The following IGF2R variants were observed in gnomAD, a reference collection of about 807,000 sequenced individuals.
IGF2R encodes the protein cation-independent mannose-6-phosphate receptor.
In IGF2R, 91 loss-of-function variants were observed where a neutral mutation model predicts 270.6. The ratio of observed to expected loss-of-function variants is 0.34; its 90% CI spans 0.28 to 0.40. The LOEUF (loss-of-function observed/expected upper bound fraction) is 0.40. IGF2R is among the 10% of genes least tolerant of loss of function. The pLI is 1.00. For missense variants in IGF2R, 2,805 were observed against 3,188.3 expected (o/e 0.88, Z 2.90); for synonymous variants, 1,316 against 1,258.9 (o/e 1.05, Z -0.96).
intron 2 of IGF2R, chr6:160,005,983 C>A (rs956279373): frequency 3.1e-5 from 5 of 160,948 alleles, no homozygotes; most frequent in Non-Finnish European, 5.4e-5. Context: ...CGCCTCGCCG[C>A]GCCCCTCGCC....
At chr6:160,013,125 T>A (rs1489729266) in intron 4 of IGF2R, among the ~76,000 whole-genome samples, 1 of 152,124 alleles carries the variant, frequency 6.6e-6, no homozygotes, top group Non-Finnish European at 1.5e-5. Context: ...TTGTTTTATC[T>A]GAGTGTACCT....
intron 39 of IGF2R, among the ~76,000 whole-genome samples, chr6:160,080,926 G>T (rs901772692): frequency 6.6e-6 from 1 of 151,116 alleles, no homozygotes; most frequent in African/African-American, 2.4e-5. Context: ...GACCATCCTG[G>T]CTAGCATGGT....
In IGF2R at chr6:160,010,754, G is replaced by T; in HGVS notation, c.482G>T (p.Cys161Phe). The change falls in exon 4 of 48, where the codon TGC (cysteine) becomes TTC (phenylalanine). Residue 161 changes from cysteine (C) to phenylalanine (F), a missense_variant. Physicochemically the swap from Cys to Phe is radical, Grantham distance 205. Around this residue, in one of 2 missense-constraint regions of IGF2R, gnomAD observed 954 missense variants for 981.1 expected, o/e 0.97. Transcript: ENST00000356956. ...HYFEWRTTAA[C>F]KKDIFKANKE... ...TTTGAGTGGAGGACCACTGCAGCCT[G>T]CAAGAAAGACATATTTAAAGCAAAT... 6.2e-7 allele frequency: 1 copy of T among 1,610,934 alleles called. No homozygotes were observed. Among genetic ancestry groups the T allele is most frequent in the Non-Finnish European group, 8.5e-7 (1 of 1,177,154 alleles).
intron 1 of IGF2R, among the ~76,000 whole-genome samples, chr6:159,978,297 T>A (rs927852758): frequency 3.9e-5 from 6 of 151,952 alleles, no homozygotes; most frequent in African/African-American, 1.4e-4. Context: ...GAGGAGTCCT[T>A]CCTCACTCAG....
At position 160,041,947 on chromosome 6, in the gene IGF2R, C is replaced by T. The variant is rs144874571; in HGVS notation, c.1481-1201C>T. 9.3e-3 allele frequency among the ~76,000 whole-genome samples: 1,413 copies of T among 151,814 alleles called. 10 individuals carry two copies. The highest frequency in any genetic ancestry group is 0.024 in the Middle Eastern group (7 of 294). ...GCTTGAGCGAGCTGCTCTCCAGGCCCGGGTTTCTTACGGTGAACTGGGTGG... is the reference window on the plus strand; with the variant it reads ...GCTTGAGCGAGCTGCTCTCCAGGCCTGGGTTTCTTACGGTGAACTGGGTGG... On this transcript the variant is annotated intron_variant, in intron 11 of 47. Transcript: ENST00000356956.
chr6:159,990,630 CT>C (rs372870014), intron 1 of IGF2R, among the ~76,000 whole-genome samples: 65 of 147,086 alleles, frequency 4.4e-4, no homozygotes, highest in East Asian at 7.9e-4. Context: ...TAAGATATTT[CT>C]TTTTTTTTTT....
intron 11 of IGF2R, 37 bp downstream of exon 11, chr6:160,040,761 T>G (rs8191774): frequency 1.9e-5 from 30 of 1,576,980 alleles, no homozygotes; most frequent in Non-Finnish European, 2.4e-5. Context: ...TTAGTCCACA[T>G]GCTCATGGAA....
intron 14 of IGF2R, 74 bp from the exon 15 acceptor site, chr6:160,046,424 A>G (rs968706747): frequency 2.2e-5 from 32 of 1,437,188 alleles, no homozygotes; most frequent in Middle Eastern, 2.5e-4. Flanking sequence ...CTCCCTTTCA[A>G]ACTGTGGGGT....
chr6:159,970,839 A>G (rs1375214991), intron 1 of IGF2R, among the ~76,000 whole-genome samples: 1 of 151,704 alleles, frequency 6.6e-6, no homozygotes, highest in African/African-American at 2.4e-5. Flanking sequence ...GCACTTTGGA[A>G]GGCCGAGGTG....
chr6:160,012,143 G>GA (rs938377605), intron 4 of IGF2R, among the ~76,000 whole-genome samples: 15 of 145,712 alleles, frequency 1.0e-4, no homozygotes, highest in South Asian at 4.3e-4. Flanking sequence ...AGCATTCAAT[G>GA]AAAAAAAAAA....
intron 29 of IGF2R, among the ~76,000 whole-genome samples, chr6:160,065,814 G>GTATATATATATATATATATA (rs59035193): frequency 3.3e-4 from 26 of 78,358 alleles, no homozygotes; most frequent in Admixed American, 6.6e-4. Flanking sequence ...GTGTGTGTGT[G>GTATATATATATATATATATA]TATATATATA....
chr6:160,066,279 T>A (rs1308268164), intron 29 of IGF2R, among the ~76,000 whole-genome samples: 3 of 151,980 alleles, frequency 2.0e-5, no homozygotes, highest in Non-Finnish European at 2.9e-5. Flanking sequence ...CCTCCCAAAG[T>A]GCTGGGATTA....
chr6:160,030,501 A>T (rs1777670979), intron 7 of IGF2R, among the ~76,000 whole-genome samples: 1 of 152,216 alleles, frequency 6.6e-6, no homozygotes, highest in South Asian at 2.1e-4. Context: ...AGACTTCCAC[A>T]TCAAGTGCTG....
At chr6:160,033,583 A>G (rs1038650321) in intron 9 of IGF2R, among the ~76,000 whole-genome samples, 4 of 152,272 alleles carry the variant, frequency 2.6e-5, no homozygotes, top group Non-Finnish European at 5.9e-5. Flanking sequence ...GTTTGTCACT[A>G]AACAATCAAA....
chr6:160,079,453 C>T (rs2115281604), intron 37 of IGF2R, 127 bp from the exon 38 acceptor site: 1 of 579,968 alleles, frequency 1.7e-6, no homozygotes, highest in Non-Finnish European at 2.6e-6. Flanking sequence ...GGCTCTGATG[C>T]ACACAGAGGA....
chr6:160,070,574 GCA>G (rs1408867331), intron 31 of IGF2R, among the ~76,000 whole-genome samples: 1 of 152,198 alleles, frequency 6.6e-6, no homozygotes, highest in Non-Finnish European at 1.5e-5. Context: ...CACGGGAGAT[GCA>G]CAGTCAGTGA....
At chr6:160,067,953 C>T (rs559933867) in intron 29 of IGF2R, among the ~76,000 whole-genome samples, 55 of 152,150 alleles carry the variant, frequency 3.6e-4, no homozygotes, top group Admixed American at 5.2e-4. Context: ...ACGGCACGCA[C>T]TTTGCAGACT....
intron 4 of IGF2R, among the ~76,000 whole-genome samples, chr6:160,021,515 G>C (rs1459889821): frequency 6.6e-6 from 1 of 150,842 alleles, no homozygotes; most frequent in African/African-American, 2.4e-5. Flanking sequence ...AATGGGTTCA[G>C]CACACCAACA....
In IGF2R at chr6:160,061,830, G is replaced by A. The variant is rs372971885; in HGVS notation, c.3484G>A (p.Ala1162Thr). Reference sequence around the variant, plus strand: ...TGTGGTGCAGATGAGTCCCCAAGCCGCGGCGAATGGATCTTTGAGCATCAT... The same window carrying A: ...TGTGGTGCAGATGAGTCCCCAAGCCACGGCGAATGGATCTTTGAGCATCAT... The part of the protein sequence containing the change: ...LGVVQMSPQA[A>T]ANGSLSIMYV... The change falls in exon 25 of 48, where the codon GCG becomes ACG. Residue 1162 changes from alanine to threonine, a missense_variant. Transcript: ENST00000356956. 4.1e-5 allele frequency: 66 copies of A among 1,614,042 alleles called. No homozygotes were observed. Among genetic ancestry groups the A allele is most frequent in the East Asian group, 6.7e-5 (3 of 44,892 alleles).
Sources: gnomAD v4.1 joint callset for allele counts (sites outside exome capture counted in the v4.1 genomes callset) on GRCh38, gnomAD v4.1.1 for gene constraint, gnomAD v4.1.1 regional missense constraint, MANE v1.5 for transcripts, NCBI Gene and HGNC (gene_info 2026-07-23, HGNC 2026-07-21) for gene names.